Variants in LITAF observed in about 807,000 individuals in gnomAD.
LITAF encodes lipopolysaccharide induced TNF factor, also known as lipopolysaccharide-induced tumor necrosis factor-alpha factor.
In LITAF, 9 loss-of-function variants were observed where a neutral mutation model predicts 14.5. The ratio of observed to expected loss-of-function variants is 0.62; its 90% CI spans 0.37 to 1.08. The LOEUF (loss-of-function observed/expected upper bound fraction) is 1.08. Ranked by LOEUF, LITAF falls within the 50% of genes least tolerant of loss-of-function variation. The probability of loss-of-function intolerance (pLI) is 0.01; values close to 1 mark genes in which losing one functional copy is unlikely to be tolerated. For synonymous variants in LITAF, 98 were observed against 88.2 expected, an observed-to-expected ratio of 1.11 and a Z score of -0.62; for missense variants, 206 against 213.4, an observed-to-expected ratio of 0.97 and a Z score of 0.22.
At chr16:11,610,318 C>T (rs531644134) in intron 3 of LITAF, among the ~76,000 whole-genome samples, 3 of 152,280 alleles carry the variant, frequency 2.0e-5, no homozygotes, top group South Asian at 4.1e-4. Context: ...CAAGAATGTC[C>T]GGCAAGGGGT....
At chr16:11,557,825 G>C (rs891459574) in intron 1 of LITAF, among the ~76,000 whole-genome samples, 1 of 152,202 alleles carries the variant, frequency 6.6e-6, no homozygotes, top group African/African-American at 2.4e-5. Context: ...CACCAGAGCA[G>C]CCAGGCACAC....
chr16:11,577,014 C>T (rs1298030792), intron 1 of LITAF, among the ~76,000 whole-genome samples: 3 of 152,174 alleles, frequency 2.0e-5, no homozygotes, highest in African/African-American at 7.2e-5. Context: ...GCTTTTCATG[C>T]CTGTTTCACA....
chr16:11,602,895 G>A (rs1440271762), upstream of LITAF, among the ~76,000 whole-genome samples: 4 of 152,010 alleles, frequency 2.6e-5, no homozygotes, highest in African/African-American at 7.2e-5. Flanking sequence ...AGGATTGCTC[G>A]AGGCCAGGAG....
chr16:11,562,665 C>T (rs373231094), intron 1 of LITAF, among the ~76,000 whole-genome samples: 1 of 152,134 alleles, frequency 6.6e-6, no homozygotes, highest in Non-Finnish European at 1.5e-5. Flanking sequence ...GGGAGGCCGA[C>T]GTGGGCAGAT....
chr16:11,598,542 G>A (rs2064907130), upstream of LITAF: 2 of 152,116 alleles, frequency 1.3e-5, no homozygotes, highest in South Asian at 2.1e-4. Flanking sequence ...CGTGCCTGTG[G>A]GTACCGGGAA....
chr16:11,630,330 G>A (rs1016445105), intron 3 of LITAF, among the ~76,000 whole-genome samples: 9 of 152,194 alleles, frequency 5.9e-5, no homozygotes, highest in Admixed American at 2.0e-4. Context: ...CCGCAGTCTG[G>A]CCTTGGCCAC....
At chr16:11,625,838 G>C (rs1343024882) in intron 3 of LITAF, among the ~76,000 whole-genome samples, 1 of 152,158 alleles carries the variant, frequency 6.6e-6, no homozygotes, top group East Asian at 1.9e-4. Flanking sequence ...CTCCAGCCCT[G>C]AGACACAGAC....
intron 1 of LITAF, among the ~76,000 whole-genome samples, chr16:11,592,462 G>C (rs1409283408): frequency 6.6e-6 from 1 of 151,926 alleles, no homozygotes. Flanking sequence ...TGTGGTCCCA[G>C]CTACTTGGGA....
chr16:11,603,619 G>A (rs964591634), intron 3 of LITAF, among the ~76,000 whole-genome samples: 6 of 152,230 alleles, frequency 3.9e-5, no homozygotes, highest in African/African-American at 9.6e-5. Context: ...AGAGCAATGC[G>A]GCAGTATCAG....
chr16:11,633,869 G>A (rs1251958887), intron 2 of LITAF, among the ~76,000 whole-genome samples: 1 of 152,114 alleles, frequency 6.6e-6, no homozygotes, highest in Non-Finnish European at 1.5e-5. Context: ...TCTGGATCGG[G>A]ACCCCTTTCT....
chr16:11,598,004 A>G lies in LITAF; in HGVS notation c.-6+384T>C, dbSNP rs1298716692. On this transcript the variant is annotated intron_variant, in intron 1 of 3. Coordinates refer to the LITAF transcript ENST00000571627. ...TCACTGCAGCCTCTACCTCCTGAGC[A>G]CAGCAATTCTCCCGCCTCAGACACC... is the stretch of plus-strand genomic sequence containing the variant. Among the ~76,000 whole-genome samples, 4 of 152,120 alleles carry G rather than the reference A, an allele frequency of 2.6e-5. No homozygotes were observed. In the East Asian group the frequency reaches 7.7e-4, roughly 29 times the overall value.
chr16:11,602,079 G>GC, upstream of LITAF, among the ~76,000 whole-genome samples: 1 of 152,226 alleles, frequency 6.6e-6, no homozygotes, highest in Admixed American at 6.5e-5. Context: ...GCCCAATGGG[G>GC]CCGGGTGCAG....
chr16:11,613,907 T>A (rs562944631), intron 3 of LITAF, among the ~76,000 whole-genome samples: 7 of 152,286 alleles, frequency 4.6e-5, no homozygotes, highest in African/African-American at 1.7e-4. Flanking sequence ...TATTTCCTTA[T>A]CTCTAAAACG....
intron 1 of LITAF, among the ~76,000 whole-genome samples, chr16:11,592,545 A>C (rs1395043632): frequency 6.6e-6 from 1 of 150,744 alleles, no homozygotes; most frequent in Non-Finnish European, 1.5e-5. Flanking sequence ...ACTGCACTCC[A>C]ACCTGGATGA....
At chr16:11,552,168 T>C (rs929771728) in intron 3 of LITAF, among the ~76,000 whole-genome samples, 1 of 152,184 alleles carries the variant, frequency 6.6e-6, no homozygotes. Context: ...GCCGGTTGCA[T>C]GAGGCTCCTG....
intron 3 of LITAF, among the ~76,000 whole-genome samples, chr16:11,630,575 T>TC (rs1311500367): frequency 6.1e-5 from 9 of 147,228 alleles, no homozygotes; most frequent in African/African-American, 2.3e-4. Context: ...GCCAACTTTT[T>TC]TTTTTTTTTT....
chr16:11,553,508 G>A lies in LITAF; in HGVS notation c.377+25C>T, dbSNP rs1301589110. The A allele has an allele frequency of 2.5e-6, 4 of 1,613,126 alleles. No homozygotes were observed. Among genetic ancestry groups the A allele is most frequent in the Non-Finnish European group, 2.5e-6 (3 of 1,179,728 alleles). The stretch of plus-strand genomic sequence containing the variant: ...CCCAGAGAGAAGGGCAGGATGGCTT[G>A]GGGCCAAGTGGGAGGCAGACTCACC... On this transcript the variant is annotated intron_variant, in intron 3 of 3. Coordinates refer to ENST00000622633, the MANE Select transcript of LITAF (RefSeq NM_001136472.2). This position sits in a 1 kb window ranked among gnomAD's most constrained non-coding sequence, Gnocchi z 7.7.
chr16:11,553,138 G>A lies in LITAF; in HGVS notation c.377+395C>T, dbSNP rs975827661. On this transcript the variant is annotated intron_variant, in intron 3 of 3. Coordinates refer to ENST00000622633, the MANE Select transcript of LITAF (RefSeq NM_001136472.2). This position sits in a 1 kb window ranked among gnomAD's most constrained non-coding sequence, Gnocchi z 7.7. ...ACAAAAAAAGAAAGAAATGCCTTAG[G>A]CCAGGCACAGTGGCTCACACCTGTA... 1.7e-4 allele frequency among the ~76,000 whole-genome samples: 26 copies of A among 151,700 alleles called. No individual in the cohort carries two copies. The highest frequency in any genetic ancestry group is 6.1e-4 in the African/African-American group (25 of 41,260).
intron 1 of LITAF, among the ~76,000 whole-genome samples, chr16:11,578,429 GCTGAGGCAGGAGA>G (rs1474089075): frequency 4.6e-5 from 7 of 152,134 alleles, no homozygotes; most frequent in Admixed American, 3.3e-4. Flanking sequence ...TACTCAGGAG[GCTGAGGCAGGAGA>G]ATTGCTTGAA....
Sources: allele counts gnomAD v4.1 joint callset (sites outside exome capture counted in the v4.1 genomes callset), GRCh38; gene constraint gnomAD v4.1.1; non-coding constraint Gnocchi (gnomAD v3.1); transcripts MANE v1.5; gene names NCBI Gene and HGNC (gene_info 2026-07-23, HGNC 2026-07-21).